The following AMZ2 variants were observed in gnomAD, a reference collection of about 807,000 sequenced individuals.
The protein encoded by AMZ2 is archaemetzincin-2.
Under a neutral mutation model 36.7 loss-of-function variants are expected in AMZ2, and 26 were observed. The ratio of observed to expected loss-of-function variants is 0.71; its 90% CI spans 0.52 to 0.98. The LOEUF is 0.98. Ranked by LOEUF, AMZ2 falls within the 50% of genes least tolerant of loss-of-function variation. The pLI is 0.00. For synonymous variants in AMZ2, 144 were observed against 149.1 expected, an observed-to-expected ratio of 0.97 and a Z score of 0.25; for missense variants, 394 against 430.5, an observed-to-expected ratio of 0.92 and a Z score of 0.75.
chr17:68,209,629 TATA>T lies in AMZ2; in HGVS notation c.-67+3392_-67+3394del, dbSNP rs200237323. ...GTATATGTATATATATATATATATA[TATA>T]TTTTTTTTTTTTTTTATACAGAGTC... On this transcript the variant is annotated intron_variant, in intron 1 of 7. Coordinates refer to the AMZ2 transcript ENST00000674770. Among the ~76,000 whole-genome samples, 129 of 108,842 alleles carry T rather than the reference TATA, an allele frequency of 1.2e-3. 1 individual carries two copies. Among genetic ancestry groups the T allele is most frequent in the African/African-American group, 4.7e-3 (115 of 24,276 alleles). The allele number at this position is 108,842 out of a possible 152,430, so 71.4% of individuals were successfully genotyped here. A position where few individuals can be genotyped will look rare whatever the true frequency, so the allele number is the denominator to read the frequency against.
At chr17:68,225,615 A>G (rs7221783) in intron 1 of AMZ2, among the ~76,000 whole-genome samples, 56,315 of 151,906 alleles carry the variant, frequency 0.37, 11,977 homozygotes, top group African/African-American at 0.6. Context: ...AATGGTGAGA[A>G]TTTTAATATT....
intron 1 of AMZ2, among the ~76,000 whole-genome samples, chr17:68,233,306 C>T (rs2073708359): frequency 1.3e-5 from 2 of 151,970 alleles, no homozygotes; most frequent in African/African-American, 4.8e-5. Flanking sequence ...GTCAGGAGGT[C>T]GAGACCAGCC....
In AMZ2 at chr17:68,209,633, T is replaced by TATA. The variant is rs1555725395; in HGVS notation, c.-67+3395_-67+3396insATA. 7.4e-3 allele frequency among the ~76,000 whole-genome samples: 586 copies of TATA among 78,792 alleles called. 3 individuals are homozygous for TATA. The highest frequency in any genetic ancestry group is 0.011 in the Non-Finnish European group (440 of 38,916). The allele number at this position is 78,792 out of a possible 152,430, so 51.7% of individuals were successfully genotyped here. On this transcript the variant is annotated intron_variant, in intron 1 of 7. Coordinates refer to the AMZ2 transcript ENST00000674770. ...ATGTATATATATATATATATATATATTTTTTTTTTTTTTTATACAGAGTCT... is the reference window on the plus strand; with the variant it reads ...ATGTATATATATATATATATATATATATATTTTTTTTTTTTTTATACAGAGTCT...
rs370469794 is a variant in AMZ2 at position 68,217,873 on chromosome 17, C to T, written c.-67+11635C>T. Among the ~76,000 whole-genome samples, 20 of 146,152 alleles carry T rather than the reference C, an allele frequency of 1.4e-4. No homozygotes were observed. The Middle Eastern group carries it at 0.011, about 82-fold the overall frequency. The stretch of plus-strand genomic sequence containing the variant: ...TGTCGCCCAGGCTGGAGTACAGTGA[C>T]GTGATCTCAGCTCACTGCAAGCTCC... On this transcript the variant is annotated intron_variant, in intron 1 of 7. Coordinates refer to the AMZ2 transcript ENST00000674770.
chr17:68,226,428 C>T (rs2073518533), intron 1 of AMZ2, among the ~76,000 whole-genome samples: 1 of 152,134 alleles, frequency 6.6e-6, no homozygotes, highest in South Asian at 2.1e-4. Flanking sequence ...TTCTCTCCTG[C>T]CCCCCAGCCC....
chr17:68,225,623 ATTCTT>A lies in AMZ2; in HGVS notation c.-67+19398_-67+19402del, dbSNP rs577458188. On this transcript the variant is annotated intron_variant, in intron 1 of 7. Transcript: ENST00000674770. ...ATTCCTCAATGGTGAGAATTTTAAT[ATTCTT>A]TTCTTTTCTTTTTTTTATTTTTTGA... 4.0e-3 allele frequency among the ~76,000 whole-genome samples: 616 copies of A among 152,100 alleles called. 6 individuals carry two copies. Among genetic ancestry groups the A allele is most frequent in the African/African-American group, 0.014 (567 of 41,506 alleles).
At chr17:68,211,746 GTATATA>G (rs1392432414) in intron 1 of AMZ2, among the ~76,000 whole-genome samples, 4 of 135,940 alleles carry the variant, frequency 2.9e-5, no homozygotes, top group African/African-American at 1.3e-4. Flanking sequence ...ATGTGTATAT[GTATATA>G]TGTATATGTA....
rs712202 is a variant in AMZ2 at position 68,257,044 on chromosome 17, T to C, written c.*75T>C. 3,312 of 1,460,028 alleles carry C rather than the reference T, an allele frequency of 2.3e-3. 11 individuals carry two copies. Among genetic ancestry groups the C allele is most frequent in the Non-Finnish European group, 2.9e-3 (3,052 of 1,065,814 alleles). 90.4% of individuals were successfully genotyped at this position (1,460,028 alleles called of 1,614,324 possible). ...CTTTCATTTGGGTGGAATACTTCAT[T>C]GGAATAAACTACTGATCTTGTGCTG... On this transcript the variant is annotated 3_prime_UTR_variant, in exon 7 of 7. Transcript: ENST00000359904.
At chr17:68,209,584 GT>G (rs2072957426) in intron 1 of AMZ2, among the ~76,000 whole-genome samples, 2 of 98,778 alleles carry the variant, frequency 2.0e-5, no homozygotes, top group African/African-American at 4.0e-5. Context: ...AATTGTGGGT[GT>G]GTGTGTGTGT....
At chr17:68,231,318 G>A (rs2073658144) in intron 1 of AMZ2, among the ~76,000 whole-genome samples, 1 of 152,028 alleles carries the variant, frequency 6.6e-6, no homozygotes. Context: ...TGATCCACCT[G>A]CCTCAGCCTC....
intron 1 of AMZ2, among the ~76,000 whole-genome samples, chr17:68,221,213 C>CCCCG (rs1555728425): frequency 1.2e-5 from 1 of 81,918 alleles, no homozygotes; most frequent in Admixed American, 1.2e-4. Flanking sequence ...CTCAGCTCCC[C>CCCCG]CCCCCGCCCC....
chr17:68,246,592 C>T (rs1189339025), upstream of AMZ2: 3 of 152,076 alleles, frequency 2.0e-5, no homozygotes, highest in Admixed American at 6.5e-5. Flanking sequence ...AGTGGCGCAT[C>T]GGTATTCTCA....
intron 4 of AMZ2, among the ~76,000 whole-genome samples, chr17:68,253,723 T>G (rs2074666814): frequency 6.6e-6 from 1 of 151,722 alleles, no homozygotes; most frequent in South Asian, 2.1e-4. Context: ...AGTGTGTCCT[T>G]AAATAGTGAA....
intron 1 of AMZ2, among the ~76,000 whole-genome samples, chr17:68,223,240 G>A (rs1215346367): frequency 6.6e-6 from 1 of 152,182 alleles, no homozygotes; most frequent in African/African-American, 2.4e-5. Flanking sequence ...GGGAAAGGTT[G>A]TAAACATAGT....
chr17:68,211,502 T>TTAA (rs1472846419), intron 1 of AMZ2, among the ~76,000 whole-genome samples: 1 of 132,976 alleles, frequency 7.5e-6, no homozygotes, highest in African/African-American at 2.8e-5. Flanking sequence ...GATTCCGTCT[T>TTAA]AAAAAAAAAA....
At chr17:68,213,035 T>A (rs1464259296) in intron 1 of AMZ2, among the ~76,000 whole-genome samples, 1 of 152,260 alleles carries the variant, frequency 6.6e-6, no homozygotes. Flanking sequence ...CTTTATTTTT[T>A]ATCATTGTTA....
chr17:68,227,658 A>T (rs2144580964), intron 1 of AMZ2, among the ~76,000 whole-genome samples: 1 of 151,984 alleles, frequency 6.6e-6, no homozygotes, highest in South Asian at 2.1e-4. Flanking sequence ...CCATCTTCAC[A>T]CGGCCTTCTC....
chr17:68,216,417 G>T (rs12936320), intron 1 of AMZ2, among the ~76,000 whole-genome samples: 1 of 151,824 alleles, frequency 6.6e-6, no homozygotes, highest in East Asian at 1.9e-4. Flanking sequence ...TACAGGCCTG[G>T]GTCACCATGC....
chr17:68,251,959 G>A (rs1363548808), intron 4 of AMZ2, among the ~76,000 whole-genome samples: 3 of 151,782 alleles, frequency 2.0e-5, no homozygotes, highest in Non-Finnish European at 4.4e-5. Context: ...TGACTCATTA[G>A]GAACTCTGTA....
Sources: gnomAD v4.1 joint callset for allele counts (sites outside exome capture counted in the v4.1 genomes callset) on GRCh38, gnomAD v4.1.1 for gene constraint, MANE v1.5 for transcripts, NCBI Gene and HGNC (gene_info 2026-07-23, HGNC 2026-07-21) for gene names.